TSPAN5: variants seen among roughly 807,000 people sequenced by gnomAD.
TSPAN5 encodes tetraspanin-5.
A neutral mutation model predicts 37.1 loss-of-function variants in TSPAN5; 10 were observed. The ratio of observed to expected loss-of-function variants is 0.27; its 90% CI spans 0.17 to 0.46. TSPAN5 has a LOEUF of 0.46. Ranked by LOEUF, TSPAN5 falls within the 20% of genes least tolerant of loss-of-function variation. The probability of loss-of-function intolerance (pLI) is 1.00; values close to 1 mark genes in which losing one functional copy is unlikely to be tolerated. For missense variants in TSPAN5, 195 were observed against 326.6 expected, an observed-to-expected ratio of 0.60 and a Z score of 3.11; for synonymous variants, 110 against 118.9, an observed-to-expected ratio of 0.93 and a Z score of 0.48.
In TSPAN5 at chr4:98,486,852, A is replaced by G; in HGVS notation, c.165T>C (p.Asp55=). 6.2e-7 allele frequency: 1 copy of G among 1,614,128 alleles called. No individual in the cohort carries two copies. The highest frequency in any genetic ancestry group is 1.3e-5 in the African/African-American group (1 of 75,010). ...GVLSNISSIT[D]LGGFDPVWLF... is the part of the protein sequence containing the mutation. ...GCCAAACTGGGTCAAAGCCGCCGAGATCGGTGATGGAAGAGATGTTGGACA... is the reference window on the plus strand; with the variant it reads ...GCCAAACTGGGTCAAAGCCGCCGAGGTCGGTGATGGAAGAGATGTTGGACA... Residue 55 remains aspartate, a synonymous_variant, in exon 3 of 8, where the codon GAT becomes GAC. Coordinates refer to ENST00000305798, the MANE Select transcript of TSPAN5 (RefSeq NM_005723.4).
At chr4:98,531,229 CCCACGACA>C (rs1332725368) in intron 1 of TSPAN5, among the ~76,000 whole-genome samples, 1 of 152,146 alleles carries the variant, frequency 6.6e-6, no homozygotes, top group Non-Finnish European at 1.5e-5. Context: ...TACCCCCTAC[CCCACGACA>C]GGCCCCAGTA....
At chr4:98,480,886 G>C (rs1042441223) in intron 4 of TSPAN5, among the ~76,000 whole-genome samples, 2 of 152,108 alleles carry the variant, frequency 1.3e-5, no homozygotes, top group East Asian at 3.8e-4. Context: ...TGCTGCCACT[G>C]AACAAAACCA....
chr4:98,657,648 G>T, intron 1 of TSPAN5: 1 of 192,396 alleles, frequency 5.2e-6, no homozygotes, highest in Non-Finnish European at 1.1e-5. Context: ...CCGAGATGGT[G>T]CAAGAAGATA....
intron 1 of TSPAN5, among the ~76,000 whole-genome samples, chr4:98,615,561 C>T (rs1247543230): frequency 1.3e-5 from 2 of 152,178 alleles, no homozygotes; most frequent in Non-Finnish European, 2.9e-5. Flanking sequence ...TGGCTCATGC[C>T]TGTAATTCTA....
At chr4:98,504,365 G>A (rs996981588) in intron 2 of TSPAN5, among the ~76,000 whole-genome samples, 2 of 152,128 alleles carry the variant, frequency 1.3e-5, no homozygotes, top group Non-Finnish European at 2.9e-5. Context: ...TCCAGCAGAG[G>A]CCTGGCCGAA....
At chr4:98,608,016 A>G (rs528280747) in intron 1 of TSPAN5, among the ~76,000 whole-genome samples, 17 of 152,248 alleles carry the variant, frequency 1.1e-4, no homozygotes, top group African/African-American at 4.1e-4. Context: ...GGGCCATGAA[A>G]TTTATATATA....
chr4:98,525,363 C>G (rs1753938243), intron 1 of TSPAN5, among the ~76,000 whole-genome samples: 1 of 152,162 alleles, frequency 6.6e-6, no homozygotes, highest in Non-Finnish European at 1.5e-5. Context: ...ACTCTGGTTT[C>G]CTCCCACATC....
At chr4:98,576,620 G>C (rs770065865) in intron 1 of TSPAN5, among the ~76,000 whole-genome samples, 1 of 152,112 alleles carries the variant, frequency 6.6e-6, no homozygotes, top group Admixed American at 6.5e-5. Context: ...GAAAACTGAG[G>C]ATGGAGGGTC....
chr4:98,565,349 A>G (rs985432093), intron 1 of TSPAN5, among the ~76,000 whole-genome samples: 5 of 152,084 alleles, frequency 3.3e-5, no homozygotes, highest in African/African-American at 9.7e-5. Context: ...TTGAAAGCAT[A>G]TTTATCTGTC....
chr4:98,610,812 T>C (rs1213576194), intron 1 of TSPAN5, among the ~76,000 whole-genome samples: 1 of 152,102 alleles, frequency 6.6e-6, no homozygotes, highest in Admixed American at 6.5e-5. Flanking sequence ...CGAGGACTAA[T>C]GTGGTAGTCA....
intron 1 of TSPAN5, among the ~76,000 whole-genome samples, chr4:98,638,956 T>A (rs1197038961): frequency 6.6e-6 from 1 of 152,120 alleles, no homozygotes; most frequent in Non-Finnish European, 1.5e-5. Flanking sequence ...ACCTGCTGCT[T>A]TATAGTAAGC....
chr4:98,560,753 A>G (rs1288631758), intron 1 of TSPAN5, among the ~76,000 whole-genome samples: 1 of 152,206 alleles, frequency 6.6e-6, no homozygotes, highest in Non-Finnish European at 1.5e-5. Flanking sequence ...CTATATATAT[A>G]ATATAATGTG....
At chr4:98,560,358 T>A (rs1357719784) in intron 1 of TSPAN5, 1 of 152,242 alleles carries the variant, frequency 6.6e-6, no homozygotes, top group Non-Finnish European at 1.5e-5. Flanking sequence ...TTTCTAAAAC[T>A]TTAATATATT....
At chr4:98,644,120 A>AT (rs1223410497) in intron 1 of TSPAN5, among the ~76,000 whole-genome samples, 3,590 of 149,054 alleles carry the variant, frequency 0.024, 136 homozygotes, top group African/African-American at 0.084. Flanking sequence ...TTATTGATTT[A>AT]TTTTTTTTTT....
At chr4:98,551,214 C>A (rs1263323070) in intron 1 of TSPAN5, among the ~76,000 whole-genome samples, 1 of 152,124 alleles carries the variant, frequency 6.6e-6, no homozygotes. Flanking sequence ...ATCCTTGCAT[C>A]CTTAGGATAA....
intron 1 of TSPAN5, among the ~76,000 whole-genome samples, chr4:98,609,350 C>G (rs1756125190): frequency 6.6e-6 from 1 of 152,168 alleles, no homozygotes; most frequent in Non-Finnish European, 1.5e-5. Flanking sequence ...CGCACCCAAC[C>G]CCGACCACTG....
intron 2 of TSPAN5, among the ~76,000 whole-genome samples, chr4:98,505,209 A>G (rs1753450019): frequency 6.6e-6 from 1 of 151,686 alleles, no homozygotes; most frequent in African/African-American, 2.4e-5. Flanking sequence ...CTCTTTTCCC[A>G]CCCAGCAACC....
chr4:98,523,686 G>A (rs1355463791), intron 1 of TSPAN5, among the ~76,000 whole-genome samples: 1 of 152,198 alleles, frequency 6.6e-6, no homozygotes, highest in Non-Finnish European at 1.5e-5. Flanking sequence ...TGATCCACCT[G>A]CCTCGGCCTC....
intron 1 of TSPAN5, among the ~76,000 whole-genome samples, chr4:98,545,535 CT>C (rs952473474): frequency 9.6e-4 from 141 of 146,418 alleles, no homozygotes; most frequent in Non-Finnish European, 9.4e-4. Context: ...ACACATAAGA[CT>C]TTTTTTTTTT....
Sources: gnomAD v4.1 joint callset for allele counts (sites outside exome capture counted in the v4.1 genomes callset) on GRCh38, gnomAD v4.1.1 for gene constraint, MANE v1.5 for transcripts, NCBI Gene and HGNC (gene_info 2026-07-23, HGNC 2026-07-21) for gene names.